The following TG variants were observed in gnomAD, a reference collection of about 807,000 sequenced individuals.
TG encodes thyroid hormones.
TG carries 270 observed loss-of-function variants against 324.7 expected under a neutral mutation model. The observed-to-expected ratio is 0.83, with a 90% CI of 0.75 to 0.92. The LOEUF (loss-of-function observed/expected upper bound fraction) is 0.92, where lower values mean the gene tolerates loss of function less well. Ranked by LOEUF, TG falls within the 40% of genes least tolerant of loss-of-function variation. TG has a pLI of 0.00. For missense variants in TG, 3,591 were observed against 3,456.4 expected (o/e 1.04, Z -0.98); for synonymous variants, 1,401 against 1,327.0 (o/e 1.06, Z -1.21).
intron 45 of TG, among the ~76,000 whole-genome samples, chr8:133,129,603 C>T (rs1160867545): frequency 1.3e-5 from 2 of 152,090 alleles, no homozygotes; most frequent in Non-Finnish European, 2.9e-5. Context: ...CTCAAGTGAT[C>T]CTCCTGCCTC....
At chr8:133,045,260 C>T (rs956792261) in intron 41 of TG, 1 of 733,214 alleles carries the variant, frequency 1.4e-6, no homozygotes, top group East Asian at 2.7e-5. Context: ...CCTCCCTCCA[C>T]TAGACCCTTC....
chr8:133,073,409 G>A (rs1215607791), intron 41 of TG, among the ~76,000 whole-genome samples: 1 of 152,006 alleles, frequency 6.6e-6, no homozygotes, highest in Non-Finnish European at 1.5e-5. Context: ...AGGCTGGAGT[G>A]CAGTGGCACC....
intron 41 of TG, chr8:133,048,052 A>T: frequency 1.6e-6 from 1 of 612,520 alleles, no homozygotes; most frequent in Non-Finnish European, 2.9e-6. Flanking sequence ...ACCCACTGAG[A>T]CAGGAAGCAT....
rs758868285 is a variant in TG, at chr8:133,131,838, T to A, written c.7889T>A (p.Phe2630Tyr). 1 of 1,614,220 alleles carries A rather than the reference T, an allele frequency of 6.2e-7. No homozygotes were observed. The part of the protein sequence containing the change: ...GSLELLADVQ[F>Y]ALGLPFYPAY... ...CTGGAGCTGCTGGCGGATGTTCAGT[T>A]TGCCTTGGGGCTTCCCTTCTACCCA... Residue 2630 changes from phenylalanine (F) to tyrosine (Y), a missense_variant, in exon 46 of 48, where the codon TTT (phenylalanine) becomes TAT (tyrosine). Phe to Tyr is a conservative substitution (Grantham distance 22). Coordinates refer to ENST00000220616, the MANE Select transcript of TG (RefSeq NM_003235.5).
intron 41 of TG, among the ~76,000 whole-genome samples, chr8:133,054,266 T>C (rs79141595): frequency 1.2e-3 from 182 of 152,216 alleles, no homozygotes; most frequent in Non-Finnish European, 1.4e-3. Flanking sequence ...AGTGGAATTA[T>C]TGCAGACTTA....
At position 132,887,206 on chromosome 8, in the gene TG, C is replaced by A. The variant is rs552359043; in HGVS notation, c.1834C>A (p.Pro612Thr). Residue 612 changes from proline (P) to threonine (T), a missense_variant, in exon 9 of 48, where the codon CCT becomes ACT. Physicochemically the swap from Pro to Thr is conservative, Grantham distance 38 (BLOSUM62 -1). Coordinates refer to ENST00000220616, the MANE Select transcript of TG (RefSeq NM_003235.5). ...CAGCTCCCAGACCTGTGAGCAGACA[C>A]CTGAAAGGCTATTTGTCCCATCATG... ...VLSSQTCEQT[P>T]ERLFVPSCTT... 1.1e-3 allele frequency: 1,780 copies of A among 1,612,236 alleles called. 29 individuals carry two copies. The South Asian group carries it at 0.018, about 17-fold the overall frequency.
chr8:133,106,246 T>G (rs1849793287), intron 43 of TG, among the ~76,000 whole-genome samples: 2 of 152,122 alleles, frequency 1.3e-5, no homozygotes, highest in Admixed American at 6.5e-5. Flanking sequence ...GAGAGGGCAG[T>G]GTGGCCTGCA....
intron 27 of TG, among the ~76,000 whole-genome samples, chr8:132,952,710 A>T (rs144827438): frequency 6.6e-6 from 1 of 152,358 alleles, no homozygotes; most frequent in Non-Finnish European, 1.5e-5. Context: ...TAATATCTGC[A>T]CTGTATTATG....
chr8:133,066,515 A>T (rs1230717738), intron 41 of TG, among the ~76,000 whole-genome samples: 2 of 152,202 alleles, frequency 1.3e-5, no homozygotes, highest in East Asian at 3.8e-4. Flanking sequence ...TAGTGATTTT[A>T]TATGTGAATT....
At chr8:133,077,266 G>A (rs1054815674) in intron 41 of TG, among the ~76,000 whole-genome samples, 4 of 152,188 alleles carry the variant, frequency 2.6e-5, no homozygotes, top group African/African-American at 7.2e-5. Flanking sequence ...AGACAAGAGA[G>A]AGGCCCATAG....
chr8:133,131,307 A>C (rs1219597814), intron 45 of TG, among the ~76,000 whole-genome samples: 1 of 152,216 alleles, frequency 6.6e-6, no homozygotes, highest in East Asian at 1.9e-4. Context: ...GTATTTATTG[A>C]ATAACTCCTA....
At chr8:132,946,444 G>T (rs1825309489) in intron 26 of TG, among the ~76,000 whole-genome samples, 1 of 152,184 alleles carries the variant, frequency 6.6e-6, no homozygotes, top group South Asian at 2.1e-4. Flanking sequence ...AAAGTATCGG[G>T]CAGATGTTTT....
At chr8:133,016,770 T>C (rs1835061420) in intron 37 of TG, among the ~76,000 whole-genome samples, 2 of 152,166 alleles carry the variant, frequency 1.3e-5, no homozygotes, top group African/African-American at 4.8e-5. Context: ...CTGTCTTAAG[T>C]TCCTGAAAAC....
chr8:132,881,853 T>C lies in TG; in HGVS notation c.639-10T>C. Reference sequence around the variant, plus strand: ...TATGAATGGTGACCGTAAATCTCATTCTCTCCAAGGTTTCCAGATGCATTT... The same window carrying C: ...TATGAATGGTGACCGTAAATCTCATCCTCTCCAAGGTTTCCAGATGCATTT... On this transcript the variant is annotated splice_polypyrimidine_tract_variant and intron_variant, in intron 5 of 47. Coordinates refer to ENST00000220616, the MANE Select transcript of TG (RefSeq NM_003235.5). 1 of 1,596,824 alleles carries C rather than the reference T, an allele frequency of 6.3e-7. No homozygotes were observed. The highest frequency in any genetic ancestry group is 2.2e-5 in the East Asian group (1 of 44,814).
chr8:132,938,836 A>G (rs1000252383), intron 25 of TG, among the ~76,000 whole-genome samples: 1 of 152,080 alleles, frequency 6.6e-6, no homozygotes, highest in Non-Finnish European at 1.5e-5. Context: ...GCAGATCACG[A>G]GGTCAGGAGA....
intron 34 of TG, among the ~76,000 whole-genome samples, chr8:132,981,824 T>C (rs1587671806): frequency 6.6e-6 from 1 of 152,250 alleles, no homozygotes; most frequent in South Asian, 2.1e-4. Flanking sequence ...AGCAGGTGCT[T>C]CCAGGCAGAT....
chr8:132,983,268 C>CT, intron 34 of TG, 82 bp from the exon 35 acceptor site: 5 of 1,463,782 alleles, frequency 3.4e-6, no homozygotes, highest in Non-Finnish European at 4.8e-6. Flanking sequence ...CAATCACCAT[C>CT]TTATACTTAT....
chr8:133,060,788 T>C (rs1842262053), intron 41 of TG, among the ~76,000 whole-genome samples: 1 of 152,224 alleles, frequency 6.6e-6, no homozygotes, highest in African/African-American at 2.4e-5. Context: ...CATTGTAAAG[T>C]CCTTGCATCA....
chr8:133,031,150 A>T (rs1055468715), intron 41 of TG, among the ~76,000 whole-genome samples: 2 of 152,008 alleles, frequency 1.3e-5, no homozygotes, highest in African/African-American at 4.8e-5. Flanking sequence ...CCTGGTAACC[A>T]CTACTCTACT....
Sources: gnomAD v4.1 joint callset for allele counts (sites outside exome capture counted in the v4.1 genomes callset) on GRCh38, gnomAD v4.1.1 for gene constraint, MANE v1.5 for transcripts, NCBI Gene and HGNC (gene_info 2026-07-23, HGNC 2026-07-21) for gene names.